Variants in SIK3 observed in about 807,000 individuals in gnomAD.
SIK3 encodes serine/threonine-protein kinase SIK3.
Under a neutral mutation model 144.2 loss-of-function variants are expected in SIK3, and 28 were observed. That is an observed-to-expected ratio of 0.19 (90% CI 0.14 to 0.27). The LOEUF is 0.27. Among genes scored for constraint, SIK3 ranks in the 10% least tolerant of loss-of-function variants. SIK3 has a pLI of 1.00. For missense variants in SIK3, 1,319 were observed against 1,776.0 expected, an observed-to-expected ratio of 0.74 and a Z score of 4.62; for synonymous variants, 686 against 676.3, an observed-to-expected ratio of 1.01 and a Z score of -0.22.
At chr11:116,913,231 G>A (rs950050429) in intron 4 of SIK3, among the ~76,000 whole-genome samples, 1 of 151,708 alleles carries the variant, frequency 6.6e-6, no homozygotes, top group Non-Finnish European at 1.5e-5. Context: ...TAATAGAGAA[G>A]TAATGCCAAA....
intron 17 of SIK3, 97 bp downstream of exon 17, chr11:116,862,105 C>A: frequency 6.4e-7 from 1 of 1,553,654 alleles, no homozygotes; most frequent in South Asian, 1.1e-5. Flanking sequence ...GACCTCAAAT[C>A]CACTTTGCAC....
intron 22 of SIK3, among the ~76,000 whole-genome samples, 196 bp from the exon 23 acceptor site, chr11:116,847,804 T>TG (rs1049828657): frequency 6.6e-6 from 1 of 151,980 alleles, no homozygotes; most frequent in African/African-American, 2.4e-5. Context: ...CTCTGCCCAG[T>TG]GGGGGGGCTG....
chr11:117,057,024 G>T (rs10790172), intron 1 of SIK3, among the ~76,000 whole-genome samples: 130,354 of 152,278 alleles, frequency 0.86, 56,463 homozygotes, highest in African/African-American at 0.9. Context: ...TAGAGTCACA[G>T]GCAGTTGTAA....
chr11:116,963,781 C>G (rs1197278945), intron 1 of SIK3, among the ~76,000 whole-genome samples: 1 of 152,150 alleles, frequency 6.6e-6, no homozygotes, highest in African/African-American at 2.4e-5. Context: ...AATGCTTTCA[C>G]AGGACCCAGC....
chr11:117,024,052 T>C (rs901173056), intron 1 of SIK3, among the ~76,000 whole-genome samples: 1 of 151,914 alleles, frequency 6.6e-6, no homozygotes, highest in African/African-American at 2.4e-5. Flanking sequence ...CACTGTATAT[T>C]CTCCAAGCCC....
intron 3 of SIK3, among the ~76,000 whole-genome samples, chr11:116,937,892 A>G (rs1490170813): frequency 6.6e-6 from 1 of 152,086 alleles, no homozygotes; most frequent in Non-Finnish European, 1.5e-5. Flanking sequence ...TGGTCTTTAA[A>G]TGCTATTTTC....
chr11:116,863,670 G>C lies in SIK3; in HGVS notation c.2101C>G (p.Gln701Glu), dbSNP rs1943472352. The C allele has an allele frequency of 1.9e-6, 3 of 1,614,060 alleles. No individual in the cohort carries two copies. Among genetic ancestry groups the C allele is most frequent in the Non-Finnish European group, 2.5e-6 (3 of 1,180,006 alleles). ...GNNSSIKQLQ[Q>E]ECEQLQKMYG... The stretch of plus-strand genomic sequence containing the variant: ...ATGCCTGCCACCTCTTCCATTACCT[G>C]CTGCAGCTGTTTGATGCTGCTGTTG... The change falls in exon 16 of 25, where the codon CAG becomes GAG. Residue 701 changes from glutamine (Q) to glutamate (E), a missense_variant and splice_region_variant. Gln to Glu is a conservative substitution (Grantham distance 29, BLOSUM62 2). This residue lies in a region of SIK3 where 77 missense variants were observed against 141.9 expected (regional missense o/e 0.54). Coordinates refer to ENST00000445177, the MANE Select transcript of SIK3 (RefSeq NM_001366686.3).
At chr11:117,003,368 G>C (rs1282934866) in intron 1 of SIK3, among the ~76,000 whole-genome samples, 1 of 152,070 alleles carries the variant, frequency 6.6e-6, no homozygotes, top group Non-Finnish European at 1.5e-5. Context: ...CCAACACACT[G>C]GTTTTGCACT....
chr11:117,019,157 C>A (rs757057070), intron 1 of SIK3, among the ~76,000 whole-genome samples: 1 of 151,864 alleles, frequency 6.6e-6, no homozygotes, highest in African/African-American at 2.4e-5. Context: ...GTAGCTGGGA[C>A]TACAGGTGCA....
intron 3 of SIK3, among the ~76,000 whole-genome samples, chr11:116,951,543 T>C (rs886445971): frequency 2.6e-5 from 4 of 152,196 alleles, no homozygotes; most frequent in African/African-American, 9.7e-5. Context: ...ACCTAAAATA[T>C]TTTGTTTTTA....
rs769982363 is a variant in SIK3 at position 116,849,020 on chromosome 11, G to C, written c.3819+100C>G. The C allele has an allele frequency of 3.0e-6, 4 of 1,326,166 alleles. No homozygotes were observed. Among genetic ancestry groups the C allele is most frequent in the Admixed American group, 5.1e-5 (2 of 38,938 alleles). 82.1% of individuals were successfully genotyped at this position (1,326,166 alleles called of 1,614,324 possible). Reference sequence around the variant, plus strand: ...TTTCCAGAAAGGCTGAATGCTGACTGAGGAGAGCGGCCAAGAGAGGCTACC... The same window carrying C: ...TTTCCAGAAAGGCTGAATGCTGACTCAGGAGAGCGGCCAAGAGAGGCTACC... On this transcript the variant is annotated intron_variant, in intron 22 of 24. Coordinates refer to ENST00000445177, the MANE Select transcript of SIK3 (RefSeq NM_001366686.3). The surrounding 1 kb of genome is among the most constrained non-coding windows in gnomAD (Gnocchi z 4.2).
Position 117,032,653 on chromosome 11 carries a change from G to A in SIK3, c.273+65490C>T, listed in dbSNP as rs375763706. ...TCCCGAGTAGCTGGGACTATGACAC[G>A]CATCACCACACCCACCTTTTCTTTT... On this transcript the variant is annotated intron_variant, in intron 1 of 24. Transcript: ENST00000445177. Among the ~76,000 whole-genome samples the A allele has an allele frequency of 4.8e-4, 71 of 148,798 alleles. 1 individual carries two copies. The South Asian group carries it at 8.8e-3, about 18-fold the overall frequency.
chr11:116,955,192 G>A (rs1480898598), intron 2 of SIK3, among the ~76,000 whole-genome samples: 1 of 152,160 alleles, frequency 6.6e-6, no homozygotes, highest in East Asian at 1.9e-4. Context: ...GAGATTAGGA[G>A]TTCGAGACCA....
chr11:116,995,982 C>CTTAA lies in SIK3; in HGVS notation c.274-38922_274-38919dup, dbSNP rs551918874. 1.3e-3 allele frequency among the ~76,000 whole-genome samples: 200 copies of CTTAA among 152,160 alleles called. 4 individuals are homozygous for CTTAA. Among genetic ancestry groups the CTTAA allele is most frequent in the East Asian group, 0.013 (68 of 5,180 alleles). On this transcript the variant is annotated intron_variant, in intron 1 of 24. Transcript: ENST00000445177. ...CCTGGACAACATAGTGAGACTTCAT[C>CTTAA]TTAATTAATTAATTAATTAATTATT...
intron 6 of SIK3, among the ~76,000 whole-genome samples, chr11:116,881,141 A>AAAAT (rs1327302006): frequency 3.3e-5 from 5 of 151,924 alleles, no homozygotes; most frequent in Admixed American, 6.6e-5. Context: ...ATAAATAAAT[A>AAAAT]AAATAAATAA....
chr11:117,088,717 C>T (rs1031629523), intron 1 of SIK3, among the ~76,000 whole-genome samples: 11 of 152,156 alleles, frequency 7.2e-5, no homozygotes, highest in African/African-American at 2.7e-4. Context: ...GGCTCTGTTG[C>T]CCAGGCTGGA....
At chr11:117,019,447 A>G (rs907197897) in intron 1 of SIK3, among the ~76,000 whole-genome samples, 1 of 152,262 alleles carries the variant, frequency 6.6e-6, no homozygotes, top group Admixed American at 6.5e-5. Context: ...AAGCCTCAAG[A>G]GTAGAACTGA....
intron 15 of SIK3, among the ~76,000 whole-genome samples, chr11:116,866,895 G>A (rs1045091978): frequency 6.6e-6 from 1 of 152,148 alleles, no homozygotes; most frequent in Non-Finnish European, 1.5e-5. Context: ...AGTCATTTAT[G>A]AAAGCTTATC....
chr11:117,021,053 C>T (rs1390634144), intron 1 of SIK3, among the ~76,000 whole-genome samples: 4 of 152,148 alleles, frequency 2.6e-5, no homozygotes, highest in Non-Finnish European at 5.9e-5. Context: ...AACTGAACTG[C>T]ATTAGAGGAC....
Sources: allele counts gnomAD v4.1 joint callset (sites outside exome capture counted in the v4.1 genomes callset), GRCh38; gene constraint gnomAD v4.1.1; regional missense constraint gnomAD v4.1.1; non-coding constraint Gnocchi (gnomAD v3.1); transcripts MANE v1.5; gene names NCBI Gene and HGNC (gene_info 2026-07-23, HGNC 2026-07-21).